Variants in NELL1 observed in about 807,000 individuals in gnomAD.
NELL1 encodes neural EGFL like 1.
NELL1 carries 76 observed loss-of-function variants against 107.4 expected under a neutral mutation model. That is an observed-to-expected ratio of 0.71 (90% CI 0.59 to 0.86). NELL1 has a LOEUF of 0.86. Among genes scored for constraint, NELL1 ranks in the 40% least tolerant of loss-of-function variants. NELL1 has a pLI of 0.00. For missense variants in NELL1, 1,024 were observed against 1,005.5 expected, an observed-to-expected ratio of 1.02 and a Z score of -0.25; for synonymous variants, 353 against 341.2, an observed-to-expected ratio of 1.03 and a Z score of -0.38.
At chr11:21,501,989 T>G (rs556374219) in intron 15 of NELL1, among the ~76,000 whole-genome samples, 1 of 152,196 alleles carries the variant, frequency 6.6e-6, no homozygotes, top group Non-Finnish European at 1.5e-5. Flanking sequence ...GTAGTTACCA[T>G]AGCTTTGAAA....
intron 12 of NELL1, among the ~76,000 whole-genome samples, chr11:20,989,961 C>T (rs2134256251): frequency 6.7e-6 from 1 of 150,090 alleles, no homozygotes; most frequent in East Asian, 2.0e-4. Context: ...CGCGCCACTG[C>T]ACTCCAGCCT....
Position 21,551,032 on chromosome 11 carries a change from A to C in NELL1, c.1787-9157A>C, listed in dbSNP as rs1856569046. On this transcript the variant is annotated intron_variant, in intron 16 of 19. Coordinates refer to ENST00000357134, the MANE Select transcript of NELL1 (RefSeq NM_006157.5). ...TTTATTTCATGGAGCAGTGGTTTGT[A>C]GTTCTCCTTGAACAGGTCCTTCACA... Among the ~76,000 whole-genome samples the C allele has an allele frequency of 2.0e-5, 3 of 150,892 alleles. No individual in the cohort carries two copies. In the South Asian group the frequency reaches 6.3e-4, roughly 32 times the overall value.
At chr11:20,764,050 G>A (rs918873491) in intron 2 of NELL1, among the ~76,000 whole-genome samples, 1 of 152,188 alleles carries the variant, frequency 6.6e-6, no homozygotes, top group African/African-American at 2.4e-5. Context: ...TATGGGCTCT[G>A]CGTTGCCAGG....
intron 15 of NELL1, among the ~76,000 whole-genome samples, chr11:21,474,726 A>G (rs1854279856): frequency 6.6e-6 from 1 of 151,232 alleles, no homozygotes; most frequent in South Asian, 2.1e-4. Context: ...TGCCTCTGTT[A>G]TAATTAGGTA....
At chr11:21,159,924 C>T (rs1003546773) in intron 13 of NELL1, among the ~76,000 whole-genome samples, 6 of 152,110 alleles carry the variant, frequency 3.9e-5, no homozygotes, top group Non-Finnish European at 8.8e-5. Flanking sequence ...TAGCTGTGAC[C>T]AACTCTCAGG....
intron 12 of NELL1, among the ~76,000 whole-genome samples, chr11:21,072,451 A>G (rs1590609103): frequency 6.6e-6 from 1 of 152,118 alleles, no homozygotes; most frequent in Non-Finnish European, 1.5e-5. Context: ...CAGCTGCAGA[A>G]CTCAGTCTTG....
intron 9 of NELL1, chr11:20,935,615 G>A (rs17232869): frequency 0.098 from 14,855 of 152,122 alleles, 843 homozygotes; most frequent in African/African-American, 0.13. Flanking sequence ...TTTCAAGCAG[G>A]GCCTCATGTT....
At chr11:20,996,467 G>C (rs1017063201) in intron 12 of NELL1, among the ~76,000 whole-genome samples, 2 of 152,148 alleles carry the variant, frequency 1.3e-5, no homozygotes, top group African/African-American at 4.8e-5. Flanking sequence ...TGGGGCTACT[G>C]ATTCTCCAGG....
chr11:20,902,476 A>G (rs935448590), intron 5 of NELL1, among the ~76,000 whole-genome samples: 2 of 152,084 alleles, frequency 1.3e-5, no homozygotes, highest in Non-Finnish European at 1.5e-5. Flanking sequence ...TGACAATGCT[A>G]TGTGTAGGGG....
At chr11:21,178,438 A>G (rs1414978755) in intron 13 of NELL1, among the ~76,000 whole-genome samples, 1 of 151,846 alleles carries the variant, frequency 6.6e-6, no homozygotes, top group African/African-American at 2.4e-5. Flanking sequence ...TAGTTTTACA[A>G]CAGTCATAAT....
intron 2 of NELL1, among the ~76,000 whole-genome samples, chr11:20,725,760 C>T (rs558469877): frequency 1.6e-3 from 246 of 152,234 alleles, no homozygotes; most frequent in African/African-American, 5.7e-3. Context: ...ATTTTTCCAA[C>T]ATTTATTTTA....
At chr11:21,086,970 C>T (rs1854407545) in intron 12 of NELL1, among the ~76,000 whole-genome samples, 1 of 151,840 alleles carries the variant, frequency 6.6e-6, no homozygotes, top group African/African-American at 2.4e-5. Context: ...TCCAGAGTAG[C>T]TGGGACTACA....
intron 14 of NELL1, among the ~76,000 whole-genome samples, chr11:21,339,729 A>C (rs1850518797): frequency 6.6e-6 from 1 of 152,184 alleles, no homozygotes; most frequent in South Asian, 2.1e-4. Flanking sequence ...TGTAGCTACC[A>C]ATAAGAATGT....
intron 12 of NELL1, among the ~76,000 whole-genome samples, chr11:21,083,121 G>A (rs1268154348): frequency 6.6e-6 from 1 of 152,186 alleles, no homozygotes; most frequent in African/African-American, 2.4e-5. Context: ...TAGAGAGAAA[G>A]GAGCAAGTCC....
At chr11:21,224,254 A>C (rs1014646881) in intron 13 of NELL1, among the ~76,000 whole-genome samples, 4 of 151,834 alleles carry the variant, frequency 2.6e-5, no homozygotes, top group Admixed American at 2.0e-4. Context: ...TATTATTATT[A>C]TTTTTTGAGG....
chr11:20,744,149 A>G (rs1197046196), intron 2 of NELL1, among the ~76,000 whole-genome samples: 1 of 152,136 alleles, frequency 6.6e-6, no homozygotes, highest in Non-Finnish European at 1.5e-5. Flanking sequence ...GAAAATCACA[A>G]TAGCCTCCTA....
chr11:21,305,530 CAT>C (rs1170223404), intron 14 of NELL1, among the ~76,000 whole-genome samples: 2 of 151,688 alleles, frequency 1.3e-5, no homozygotes, highest in African/African-American at 4.8e-5. Context: ...GCTTCCAAAA[CAT>C]AAAAAGAATA....
intron 3 of NELL1, among the ~76,000 whole-genome samples, chr11:20,827,130 A>G (rs186461587): frequency 1.3e-4 from 20 of 150,568 alleles, no homozygotes; most frequent in Non-Finnish European, 1.5e-5. Context: ...TCATGTGTTA[A>G]GATGGGGATT....
At chr11:21,078,190 A>C (rs182432926) in intron 12 of NELL1, among the ~76,000 whole-genome samples, 1 of 152,146 alleles carries the variant, frequency 6.6e-6, no homozygotes, top group Non-Finnish European at 1.5e-5. Context: ...AGAAATCAAA[A>C]CATAAAAGAT....
Sources: gnomAD v4.1 joint callset for allele counts (sites outside exome capture counted in the v4.1 genomes callset) on GRCh38, gnomAD v4.1.1 for gene constraint, MANE v1.5 for transcripts, NCBI Gene and HGNC (gene_info 2026-07-23, HGNC 2026-07-21) for gene names.